The following LPP variants were observed in gnomAD, a reference collection of about 807,000 sequenced individuals.
LPP encodes the protein LIM domain containing preferred translocation partner in lipoma, also known as lipoma-preferred partner.
A neutral mutation model predicts 60.4 loss-of-function variants in LPP; 38 were observed. The observed-to-expected ratio is 0.63, with a 90% CI of 0.49 to 0.83. LPP has a LOEUF of 0.83. LPP is among the 40% of genes least tolerant of loss of function. The probability of loss-of-function intolerance (pLI) is 0.00; values close to 1 mark genes in which losing one functional copy is unlikely to be tolerated. For missense variants in LPP, 902 were observed against 783.6 expected, an observed-to-expected ratio of 1.15 and a Z score of -1.80; for synonymous variants, 328 against 290.8, an observed-to-expected ratio of 1.13 and a Z score of -1.30.
intron 9 of LPP, among the ~76,000 whole-genome samples, chr3:188,853,791 C>T (rs961999069): frequency 5.9e-5 from 9 of 151,910 alleles, no homozygotes; most frequent in African/African-American, 2.2e-4. Context: ...TTAAACTGAA[C>T]ACAGACTCCA....
intron 7 of LPP, among the ~76,000 whole-genome samples, chr3:188,661,405 A>AAAACTGCC (rs1423266868): frequency 1.9e-4 from 29 of 152,180 alleles, no homozygotes; most frequent in Non-Finnish European, 3.1e-4. Context: ...AGTTTTGTAA[A>AAAACTGCC]AAACTGCCAA....
intron 5 of LPP, among the ~76,000 whole-genome samples, chr3:188,510,921 T>C (rs1203523156): frequency 1.3e-5 from 2 of 152,172 alleles, no homozygotes; most frequent in African/African-American, 4.8e-5. Context: ...GAACATCTTG[T>C]GTGTCTTACC....
intron 6 of LPP, among the ~76,000 whole-genome samples, chr3:188,587,634 C>A (rs1048886278): frequency 6.6e-6 from 1 of 152,078 alleles, no homozygotes; most frequent in African/African-American, 2.4e-5. Context: ...TTTGAAACAG[C>A]CTTTCGTAAA....
intron 4 of LPP, among the ~76,000 whole-genome samples, chr3:188,474,248 CAG>C (rs1308425135): frequency 6.6e-6 from 1 of 152,136 alleles, no homozygotes; most frequent in East Asian, 1.9e-4. Context: ...GATTATAAAA[CAG>C]AGAGTCTGCC....
chr3:188,818,720 T>C (rs1331582916), intron 9 of LPP, among the ~76,000 whole-genome samples: 1 of 152,132 alleles, frequency 6.6e-6, no homozygotes, highest in African/African-American at 2.4e-5. Context: ...TTGGGCAAAT[T>C]GCTTAACCTC....
At chr3:188,599,756 G>GTGTA (rs1840726363) in intron 6 of LPP, among the ~76,000 whole-genome samples, 2 of 144,376 alleles carry the variant, frequency 1.4e-5, no homozygotes, top group African/African-American at 5.6e-5. Context: ...TTAGGGGTGT[G>GTGTA]TGTGTGTGTG....
chr3:188,607,116 G>GACACACACACACACACACACACACAC (rs34057522), intron 6 of LPP, among the ~76,000 whole-genome samples: 2 of 129,562 alleles, frequency 1.5e-5, no homozygotes, highest in African/African-American at 3.0e-5. Context: ...TCTTGGTGAA[G>GACACACACACACACACACACACACAC]ACACACACAC....
intron 2 of LPP, among the ~76,000 whole-genome samples, chr3:188,337,650 G>A (rs1222950449): frequency 1.3e-5 from 2 of 152,236 alleles, no homozygotes; most frequent in Non-Finnish European, 2.9e-5. Context: ...TTCTTCTTCT[G>A]TTTTTAGTTC....
chr3:188,487,532 G>A (rs550679345), intron 5 of LPP, among the ~76,000 whole-genome samples: 16 of 152,260 alleles, frequency 1.1e-4, no homozygotes, highest in Admixed American at 8.5e-4. Context: ...AATAAAATAC[G>A]GTTTGCCAAA....
Position 188,866,039 on chromosome 3 carries a change from G to A in LPP, c.1411-161G>A, listed in dbSNP as rs528450209. ...ATAACACTTGTTTTCTATTTGTAAG[G>A]ACTGTATTAAAGCTGTAGATGTGGT... is the stretch of plus-strand genomic sequence containing the variant. On this transcript the variant is annotated intron_variant, in intron 9 of 11. Coordinates refer to ENST00000617246, the MANE Select transcript of LPP (RefSeq NM_001375462.1). 3.3e-4 allele frequency among the ~76,000 whole-genome samples: 51 copies of A among 152,256 alleles called. 1 individual carries two copies. In the South Asian group the frequency reaches 8.5e-3, roughly 25 times the overall value.
chr3:188,444,401 A>T (rs1021926013), intron 4 of LPP, among the ~76,000 whole-genome samples: 1 of 152,212 alleles, frequency 6.6e-6, no homozygotes, highest in Non-Finnish European at 1.5e-5. Context: ...TGAAAGAAAA[A>T]GTTATGCCCG....
chr3:188,500,536 T>A (rs2149860814), intron 5 of LPP, among the ~76,000 whole-genome samples: 1 of 152,260 alleles, frequency 6.6e-6, no homozygotes, highest in East Asian at 1.9e-4. Flanking sequence ...TTCTGTACTT[T>A]TCATGTAGTA....
At chr3:188,687,342 A>G (rs555438111) in intron 7 of LPP, among the ~76,000 whole-genome samples, 8 of 152,300 alleles carry the variant, frequency 5.3e-5, no homozygotes, top group Non-Finnish European at 1.0e-4. Context: ...ACTAGCTGAT[A>G]TGGTTTGGCT....
At chr3:188,568,004 C>G (rs1250840539) in intron 6 of LPP, 2 of 151,880 alleles carry the variant, frequency 1.3e-5, no homozygotes, top group African/African-American at 4.8e-5. Flanking sequence ...CTTTGTGATC[C>G]TATTTGCACG....
chr3:188,524,870 C>T (rs1329341098), intron 6 of LPP, 83 bp downstream of exon 6: 11 of 1,377,940 alleles, frequency 8.0e-6, no homozygotes, highest in Admixed American at 7.1e-5. Context: ...CACCTGAGAG[C>T]TTATTTCCCC....
chr3:188,860,708 T>A (rs866447336), intron 9 of LPP, among the ~76,000 whole-genome samples: 1 of 152,236 alleles, frequency 6.6e-6, no homozygotes, highest in Non-Finnish European at 1.5e-5. Context: ...TAACTGATAT[T>A]TGTGGAGCAT....
chr3:188,562,048 C>G (rs1369315834), intron 6 of LPP, among the ~76,000 whole-genome samples: 1 of 47,420 alleles, frequency 2.1e-5, no homozygotes, highest in Non-Finnish European at 5.5e-5. Flanking sequence ...TAATCACGCA[C>G]ACACAGACAC....
chr3:188,365,834 T>G (rs763841805), intron 3 of LPP, among the ~76,000 whole-genome samples: 1 of 152,194 alleles, frequency 6.6e-6, no homozygotes, highest in Non-Finnish European at 1.5e-5. Context: ...CATTGCATTG[T>G]GAAATGATTA....
rs1849284282 is a variant in LPP, at chr3:188,638,340, A to T, written c.1113+28496A>T. 2.0e-5 allele frequency among the ~76,000 whole-genome samples: 3 copies of T among 149,688 alleles called. No homozygotes were observed. In the South Asian group the frequency reaches 6.4e-4, roughly 32 times the overall value. ...CCCTTCATGCTAAAAACTCTCAATA[A>T]ATTAGGTATTGATGGGATGTATTTC... On this transcript the variant is annotated intron_variant, in intron 7 of 11. Coordinates refer to ENST00000617246, the MANE Select transcript of LPP (RefSeq NM_001375462.1).
Sources: allele counts gnomAD v4.1 joint callset (sites outside exome capture counted in the v4.1 genomes callset), GRCh38; gene constraint gnomAD v4.1.1; transcripts MANE v1.5; gene names NCBI Gene and HGNC (gene_info 2026-07-23, HGNC 2026-07-21).